Variants in VRK3 observed in about 807,000 individuals in gnomAD.
The protein encoded by VRK3 is serine/threonine-protein kinase VRK3.
Under a neutral mutation model 60.4 loss-of-function variants are expected in VRK3, and 50 were observed. The ratio of observed to expected loss-of-function variants is 0.83; its 90% CI spans 0.66 to 1.05. The LOEUF is 1.05. Ranked by LOEUF, VRK3 falls within the 50% of genes least tolerant of loss-of-function variation. The probability of loss-of-function intolerance (pLI) is 0.00; values close to 1 mark genes in which losing one functional copy is unlikely to be tolerated. For missense variants in VRK3, 549 were observed against 585.3 expected, an observed-to-expected ratio of 0.94 and a Z score of 0.64; for synonymous variants, 246 against 227.8, an observed-to-expected ratio of 1.08 and a Z score of -0.72.
intron 5 of VRK3, among the ~76,000 whole-genome samples, chr19:50,003,495 T>A (rs1266898452): frequency 6.6e-6 from 1 of 152,166 alleles, no homozygotes; most frequent in Non-Finnish European, 1.5e-5. Context: ...GCCGCACGGA[T>A]TCATGTGACT....
chr19:49,984,915 C>T (rs1460184727), intron 12 of VRK3, among the ~76,000 whole-genome samples: 1 of 152,228 alleles, frequency 6.6e-6, no homozygotes, highest in Non-Finnish European at 1.5e-5. Flanking sequence ...TGAGCCACCG[C>T]ACCAGATCTG....
intron 2 of VRK3, among the ~76,000 whole-genome samples, chr19:50,017,864 T>C (rs2077103375): frequency 6.6e-6 from 1 of 152,140 alleles, no homozygotes; most frequent in Admixed American, 6.5e-5. Context: ...TCTCACTATG[T>C]TGCCCAGGCT....
intron 3 of VRK3, 200 bp downstream of exon 3, chr19:50,015,824 T>C (rs889318371): frequency 1.5e-6 from 1 of 664,224 alleles, no homozygotes; most frequent in African/African-American, 1.8e-5. Flanking sequence ...GATGTTAACA[T>C]GGAGACAGTG....
At chr19:49,988,016 C>G (rs2076546158) in intron 12 of VRK3, 1 of 170,860 alleles carries the variant, frequency 5.9e-6, no homozygotes, top group Non-Finnish European at 1.3e-5. Context: ...TGAGCATTTT[C>G]TCTGAGCCAG....
intron 5 of VRK3, 36 bp from the exon 6 acceptor site, chr19:50,000,890 C>T: frequency 6.3e-7 from 1 of 1,598,726 alleles, no homozygotes; most frequent in Non-Finnish European, 8.5e-7. Flanking sequence ...AGGTTATAAC[C>T]ACGCGGAAGG....
chr19:50,009,450 T>A lies in VRK3; in HGVS notation c.140-65A>T, dbSNP rs1444417712. 5 of 1,586,062 alleles carry A rather than the reference T, an allele frequency of 3.2e-6. No homozygotes were observed. The African/African-American group carries it at 5.4e-5, about 17-fold the overall frequency. On this transcript the variant is annotated intron_variant, in intron 3 of 14. Transcript: ENST00000316763. ...GGCCCCTCTGCAGGCACCATTGGACTGGGAGCCCTGAGGTTATACTCAGCT... is the reference window on the plus strand; with the variant it reads ...GGCCCCTCTGCAGGCACCATTGGACAGGGAGCCCTGAGGTTATACTCAGCT...
intron 3 of VRK3, among the ~76,000 whole-genome samples, chr19:50,014,894 G>C (rs1241772434): frequency 6.6e-6 from 1 of 152,196 alleles, no homozygotes; most frequent in Non-Finnish European, 1.5e-5. Flanking sequence ...CAAGAGAGGG[G>C]AGCAGAGGGC....
intron 5 of VRK3, chr19:50,001,497 G>A (rs2076805585): frequency 6.6e-6 from 1 of 152,330 alleles, no homozygotes; most frequent in Non-Finnish European, 1.5e-5. Context: ...TTTTGCTCCA[G>A]AGCCCTGCAG....
intron 2 of VRK3, among the ~76,000 whole-genome samples, chr19:50,016,368 C>T (rs1406650119): frequency 1.3e-5 from 2 of 152,234 alleles, no homozygotes; most frequent in Non-Finnish European, 2.9e-5. Flanking sequence ...CTCCCCTATA[C>T]TTCCCAGGTT....
chr19:49,981,069 T>G, intron 12 of VRK3, 56 bp from the exon 13 acceptor site: 1 of 1,496,402 alleles, frequency 6.7e-7, no homozygotes, highest in East Asian at 2.3e-5. Context: ...AGCAACCTTT[T>G]AAAACAGAAT....
intron 5 of VRK3, among the ~76,000 whole-genome samples, chr19:50,005,818 C>T (rs1008529132): frequency 2.0e-5 from 3 of 149,756 alleles, no homozygotes; most frequent in African/African-American, 7.7e-5. Flanking sequence ...CCAGAAGGGG[C>T]AAATCCACGG....
intron 5 of VRK3, 152 bp downstream of exon 5, chr19:50,007,417 A>C: frequency 8.9e-7 from 1 of 1,124,132 alleles, no homozygotes. Flanking sequence ...GCAGGTGGGT[A>C]GGTATAGAGT....
At position 50,009,453 on chromosome 19, in the gene VRK3, G is replaced by T. The variant is rs1041523627; in HGVS notation, c.140-68C>A. On this transcript the variant is annotated intron_variant, in intron 3 of 14. Coordinates refer to ENST00000316763, the MANE Select transcript of VRK3 (RefSeq NM_016440.4). ...CCCTCTGCAGGCACCATTGGACTGGGAGCCCTGAGGTTATACTCAGCTATG... is the reference window on the plus strand; with the variant it reads ...CCCTCTGCAGGCACCATTGGACTGGTAGCCCTGAGGTTATACTCAGCTATG... The T allele has an allele frequency of 2.5e-6, 4 of 1,579,892 alleles. No individual in the cohort carries two copies. The African/African-American group carries it at 4.1e-5, about 16-fold the overall frequency.
chr19:50,000,379 T>C (rs1168566622), intron 6 of VRK3: 1 of 202,310 alleles, frequency 4.9e-6, no homozygotes, highest in African/African-American at 2.5e-5. Flanking sequence ...AGGGACCCCA[T>C]CTGCTGGGTT....
At chr19:49,979,781 C>T (rs1173616052) in intron 13 of VRK3, among the ~76,000 whole-genome samples, 1 of 151,970 alleles carries the variant, frequency 6.6e-6, no homozygotes, top group African/African-American at 2.4e-5. Context: ...CGGTGGCTCA[C>T]GCCTGTAATC....
At chr19:49,997,370 G>T in intron 7 of VRK3, 134 bp downstream of exon 7, 1 of 931,538 alleles carries the variant, frequency 1.1e-6, no homozygotes, top group Non-Finnish European at 1.6e-6. Flanking sequence ...GTCAGGTTAT[G>T]GACACAGATG....
chr19:49,988,558 C>G, intron 11 of VRK3, 66 bp from the exon 12 acceptor site: 3 of 1,564,162 alleles, frequency 1.9e-6, no homozygotes, highest in South Asian at 2.3e-5. Context: ...GGGTCCACCC[C>G]CCTTCCTTCC....
chr19:50,024,157 C>T (rs902177810), intron 1 of VRK3, among the ~76,000 whole-genome samples: 1 of 152,134 alleles, frequency 6.6e-6, no homozygotes, highest in Non-Finnish European at 1.5e-5. Context: ...AGGCTGGTCT[C>T]GAACTCCTGA....
In VRK3 at chr19:49,994,866, C is replaced by A. The variant is rs766478278; in HGVS notation, c.818G>T (p.Ser273Ile). 10 of 1,614,054 alleles carry A rather than the reference C, an allele frequency of 6.2e-6. No individual in the cohort carries two copies. Among genetic ancestry groups the A allele is most frequent in the Non-Finnish European group, 4.2e-6 (5 of 1,180,040 alleles). The change falls in exon 9 of 15, where the codon AGC becomes ATC. Residue 273 changes from serine to isoleucine, a missense_variant. Transcript: ENST00000316763. The stretch of plus-strand genomic sequence containing the variant: ...CCTCTCTGACAGCACATGCTTTGGG[C>A]TGACATCCAGGGCCGACTGAAGGCT... The part of the protein sequence containing the change: ...GRSLQSALDV[S>I]PKHVLSERSV...
Sources: gnomAD v4.1 joint callset for allele counts (sites outside exome capture counted in the v4.1 genomes callset) on GRCh38, gnomAD v4.1.1 for gene constraint, MANE v1.5 for transcripts, NCBI Gene and HGNC (gene_info 2026-07-23, HGNC 2026-07-21) for gene names.